Variants in UNC13C observed in about 807,000 individuals in gnomAD.
UNC13C encodes the protein unc-13 homolog C, also known as protein unc-13 homolog C.
A neutral mutation model predicts 245.4 loss-of-function variants in UNC13C; 174 were observed. The observed-to-expected ratio is 0.71, with a 90% CI of 0.63 to 0.80. The LOEUF (loss-of-function observed/expected upper bound fraction) is 0.80, where lower values mean the gene tolerates loss of function less well. UNC13C is among the 30% of genes least tolerant of loss of function. UNC13C has a pLI of 0.00. For synonymous variants in UNC13C, 992 were observed against 895.1 expected (o/e 1.11, Z -1.93); for missense variants, 2,829 against 2,602.9 (o/e 1.09, Z -1.89).
intron 2 of UNC13C, among the ~76,000 whole-genome samples, chr15:54,113,032 C>A (rs1315980567): frequency 6.6e-6 from 1 of 152,116 alleles, no homozygotes; most frequent in Non-Finnish European, 1.5e-5. Context: ...AATGGATATG[C>A]AGATGTATCT....
chr15:54,050,689 G>T (rs535980517), intron 2 of UNC13C: 227 of 536,974 alleles, frequency 4.2e-4, no homozygotes, highest in Non-Finnish European at 4.3e-4. Context: ...TTGGAAACCG[G>T]TGAAGATCTA....
At chr15:54,599,376 C>T (rs1323931761) in intron 30 of UNC13C, among the ~76,000 whole-genome samples, 1 of 152,068 alleles carries the variant, frequency 6.6e-6, no homozygotes, top group African/African-American at 2.4e-5. Flanking sequence ...CATTTGATGC[C>T]TTTTTGCTTT....
chr15:53,842,739 T>C, the UNC13C span, among the ~76,000 whole-genome samples: 1 of 152,184 alleles, frequency 6.6e-6, no homozygotes, highest in East Asian at 1.9e-4. Flanking sequence ...GTTTGACAAC[T>C]TGCACCCAGA....
At chr15:54,554,344 A>G (rs1596562056) in intron 28 of UNC13C, among the ~76,000 whole-genome samples, 1 of 152,112 alleles carries the variant, frequency 6.6e-6, no homozygotes, top group African/African-American at 2.4e-5. Context: ...TTTGTGCATT[A>G]TGCAAAAATG....
At chr15:54,389,645 T>C (rs1465622275) in intron 17 of UNC13C, among the ~76,000 whole-genome samples, 1 of 152,198 alleles carries the variant, frequency 6.6e-6, no homozygotes, top group Non-Finnish European at 1.5e-5. Flanking sequence ...TCAAAAGCTG[T>C]TATAGCCCAT....
chr15:53,871,725 G>T, the UNC13C span, among the ~76,000 whole-genome samples: 1 of 152,226 alleles, frequency 6.6e-6, no homozygotes, highest in African/African-American at 2.4e-5. Context: ...GTGAATCCCA[G>T]AAATTGGACA....
intron 2 of UNC13C, among the ~76,000 whole-genome samples, chr15:54,104,479 A>ATGTTCT (rs1229555864): frequency 6.6e-6 from 1 of 151,792 alleles, no homozygotes; most frequent in Non-Finnish European, 1.5e-5. Context: ...CTGACCTCTA[A>ATGTTCT]TATTCTTATC....
chr15:54,112,975 A>G (rs1350145229), intron 2 of UNC13C, among the ~76,000 whole-genome samples: 2 of 152,242 alleles, frequency 1.3e-5, no homozygotes, highest in Non-Finnish European at 2.9e-5. Flanking sequence ...CAGAGTATGA[A>G]GCAACAGGGT....
intron 4 of UNC13C, among the ~76,000 whole-genome samples, chr15:54,220,815 AG>A (rs941542219): frequency 4.6e-5 from 7 of 151,892 alleles, no homozygotes; most frequent in African/African-American, 1.7e-4. Context: ...AAGGATAATT[AG>A]GGGAAGGGTA....
chr15:54,264,513 T>TA, intron 9 of UNC13C, 118 bp downstream of exon 9: 1 of 812,802 alleles, frequency 1.2e-6, no homozygotes, highest in South Asian at 1.9e-5. Flanking sequence ...ATCATGTTAA[T>TA]ATGAACAAGA....
At chr15:54,147,789 C>CGTGTGT (rs56353727) in intron 4 of UNC13C, among the ~76,000 whole-genome samples, 4,325 of 147,540 alleles carry the variant, frequency 0.029, 219 homozygotes, top group African/African-American at 0.095. Flanking sequence ...AAGGTGTGTG[C>CGTGTGT]GTGTGTGTGT....
At chr15:53,871,551 T>C in the UNC13C span, among the ~76,000 whole-genome samples, 1 of 152,170 alleles carries the variant, frequency 6.6e-6, no homozygotes, top group African/African-American at 2.4e-5. Context: ...GTCTATTTTG[T>C]TCATTGCTGT....
the UNC13C span, among the ~76,000 whole-genome samples, chr15:53,970,638 A>G: frequency 1.3e-5 from 2 of 152,136 alleles, no homozygotes; most frequent in Non-Finnish European, 2.9e-5. Flanking sequence ...ATGAGAACAG[A>G]TGGACACATG....
Position 54,015,812 on chromosome 15 carries a change from C to G in UNC13C, c.2909C>G (p.Pro970Arg). ...ATCACAAAGCCAAAGAGAATTCGTC[C>G]TTCTTTCAAAGAAGCAGCTTTAAGG... is the stretch of plus-strand genomic sequence containing the variant. ...VEITKPKRIR[P>R]SFKEAALRAY... is the part of the protein sequence containing the mutation. The change falls in exon 2 of 33, where the codon CCT becomes CGT. Residue 970 changes from proline (P) to arginine (R), a missense_variant. Physicochemically the swap from Pro to Arg is moderately radical, Grantham distance 103 (BLOSUM62 -2). Transcript: ENST00000260323. The G allele has an allele frequency of 6.2e-7, 1 of 1,611,272 alleles. No individual in the cohort carries two copies. The highest frequency in any genetic ancestry group is 8.5e-7 in the Non-Finnish European group (1 of 1,178,614).
chr15:54,347,050 G>C (rs2038875310), intron 17 of UNC13C, among the ~76,000 whole-genome samples: 1 of 152,142 alleles, frequency 6.6e-6, no homozygotes, highest in African/African-American at 2.4e-5. Flanking sequence ...TGGAACAAGA[G>C]CAGGATGAAT....
intron 2 of UNC13C, among the ~76,000 whole-genome samples, chr15:54,128,700 A>G (rs2031212739): frequency 6.6e-6 from 1 of 152,200 alleles, no homozygotes; most frequent in Non-Finnish European, 1.5e-5. Context: ...TTGGAAGTCC[A>G]GGTTCTTTAG....
chr15:54,609,008 A>T (rs2141285361), intron 30 of UNC13C, among the ~76,000 whole-genome samples: 1 of 152,248 alleles, frequency 6.6e-6, no homozygotes, highest in East Asian at 1.9e-4. Context: ...TTACTATTTC[A>T]ACATTAGCTT....
chr15:54,359,992 T>A (rs2039193027), intron 17 of UNC13C, among the ~76,000 whole-genome samples: 1 of 151,960 alleles, frequency 6.6e-6, no homozygotes, highest in African/African-American at 2.4e-5. Flanking sequence ...GTGCTGTATC[T>A]CATAGGTTTG....
upstream of UNC13C, among the ~76,000 whole-genome samples, chr15:53,977,835 C>T (rs1385380999): frequency 6.6e-6 from 1 of 152,148 alleles, no homozygotes. Flanking sequence ...GACATTATTC[C>T]TAAGTGAGAA....
Sources: gnomAD v4.1 joint callset for allele counts (sites outside exome capture counted in the v4.1 genomes callset) on GRCh38, gnomAD v4.1.1 for gene constraint, MANE v1.5 for transcripts, NCBI Gene and HGNC (gene_info 2026-07-23, HGNC 2026-07-21) for gene names.